The following GSTA4 variants were observed in gnomAD, a reference collection of about 807,000 sequenced individuals.
GSTA4 encodes glutathione S-transferase A4.
A neutral mutation model predicts 24.4 loss-of-function variants in GSTA4; 15 were observed. The ratio of observed to expected loss-of-function variants is 0.61; its 90% CI spans 0.41 to 0.95. The LOEUF (loss-of-function observed/expected upper bound fraction) is 0.95. GSTA4 is among the 40% of genes least tolerant of loss of function. The pLI, the probability that GSTA4 is intolerant of heterozygous loss-of-function variation, is 0.00. For missense variants in GSTA4, 244 were observed against 262.1 expected, an observed-to-expected ratio of 0.93 and a Z score of 0.48; for synonymous variants, 92 against 94.2, an observed-to-expected ratio of 0.98 and a Z score of 0.13.
At chr6:52,993,345 CAT>C (rs1220851464) in intron 2 of GSTA4, among the ~76,000 whole-genome samples, 1 of 152,048 alleles carries the variant, frequency 6.6e-6, no homozygotes, top group Admixed American at 6.5e-5. Context: ...CCGAAAGAAA[CAT>C]AACCATTTTA....
intron 2 of GSTA4, among the ~76,000 whole-genome samples, chr6:52,992,022 T>TG (rs1317023577): frequency 2.0e-5 from 3 of 152,082 alleles, no homozygotes; most frequent in Non-Finnish European, 4.4e-5. Flanking sequence ...CCCAAAGTAC[T>TG]GGGATTACAG....
At chr6:52,982,825 T>C (rs184794976) in intron 5 of GSTA4, 120 bp from the exon 6 acceptor site, 17 of 761,954 alleles carry the variant, frequency 2.2e-5, no homozygotes, top group Admixed American at 5.0e-5. Flanking sequence ...CATGCTTTCA[T>C]AAATAACATC....
At chr6:52,989,225 G>T (rs1043505519) in intron 2 of GSTA4, among the ~76,000 whole-genome samples, 3 of 152,154 alleles carry the variant, frequency 2.0e-5, no homozygotes, top group Non-Finnish European at 4.4e-5. Flanking sequence ...CCATTGTTTA[G>T]CATATTATCA....
intron 5 of GSTA4, among the ~76,000 whole-genome samples, chr6:52,984,104 G>A (rs1365909634): frequency 6.6e-6 from 1 of 152,176 alleles, no homozygotes; most frequent in Non-Finnish European, 1.5e-5. Flanking sequence ...TGAGACAGCT[G>A]TTCGACAACT....
chr6:52,984,638 C>T (rs779019099), intron 4 of GSTA4, 33 bp from the exon 5 acceptor site: 3 of 1,601,042 alleles, frequency 1.9e-6, no homozygotes, highest in Non-Finnish European at 2.6e-6. Context: ...CTCAGTTTCT[C>T]CTCTCTTTGA....
intron 6 of GSTA4, among the ~76,000 whole-genome samples, chr6:52,980,596 G>A (rs113151263): frequency 0.046 from 7,058 of 152,190 alleles, 226 homozygotes; most frequent in Non-Finnish European, 0.067. Context: ...GAGCCACTGC[G>A]CCCGGCCTAG....
rs764488635 is a variant in GSTA4 at position 52,994,206 on chromosome 6, C to G, written c.38G>C (p.Arg13Thr). Residue 13 changes from arginine to threonine, a missense_variant, in exon 2 of 7, where the codon AGA (arginine) becomes ACA (threonine). Transcript: ENST00000370963. ...ARPKLHYPNG[R>T]GRMESVRWVL... is the part of the protein sequence containing the mutation. ...CCATCTCACGGACTCCATCCGGCCT[C>G]TTCCGTTGGGATAGTGGAGCTTGGG... The G allele has an allele frequency of 6.2e-7, 1 of 1,613,828 alleles. No individual in the cohort carries two copies. The highest frequency in any genetic ancestry group is 8.5e-7 in the Non-Finnish European group (1 of 1,179,702).
At chr6:52,984,646 T>C (rs1469822897) in intron 4 of GSTA4, 41 bp from the exon 5 acceptor site, 3 of 1,572,414 alleles carry the variant, frequency 1.9e-6, no homozygotes, top group Non-Finnish European at 2.6e-6. Flanking sequence ...CTCCTCTCTT[T>C]GAAGCCATCA....
chr6:52,992,559 T>G (rs1221563354), intron 2 of GSTA4, among the ~76,000 whole-genome samples: 2 of 152,192 alleles, frequency 1.3e-5, no homozygotes, highest in Non-Finnish European at 2.9e-5. Context: ...ACGTAACCCC[T>G]AATATGATGA....
chr6:52,989,121 C>T (rs1477137306), intron 2 of GSTA4, among the ~76,000 whole-genome samples: 1 of 152,182 alleles, frequency 6.6e-6, no homozygotes, highest in Non-Finnish European at 1.5e-5. Context: ...CATTGCCACA[C>T]TCCCAAACAG....
intron 2 of GSTA4, among the ~76,000 whole-genome samples, chr6:52,988,940 T>TG (rs1763613970): frequency 6.6e-6 from 1 of 152,126 alleles, no homozygotes; most frequent in Non-Finnish European, 1.5e-5. Context: ...TGAGACCTAC[T>TG]GGGGGGCTGT....
chr6:52,995,252 G>A lies in GSTA4; in HGVS notation c.-22C>T, dbSNP rs1396547959. 2 of 152,356 alleles carry A rather than the reference G, an allele frequency of 1.3e-5. No individual in the cohort carries two copies. The highest frequency in any genetic ancestry group is 4.8e-5 in the African/African-American group (2 of 41,460). 9.4% of individuals were successfully genotyped at this position (152,356 alleles called of 1,614,324 possible). Reference sequence around the variant, plus strand: ...CGACCGCAGGAGGGAGACAGACCTGGAGTCCACTCGGAGGCCTGGAGCCGC... The same window carrying A: ...CGACCGCAGGAGGGAGACAGACCTGAAGTCCACTCGGAGGCCTGGAGCCGC... On this transcript the variant is annotated 5_prime_UTR_variant, in exon 1 of 7. Transcript: ENST00000370963.
intron 2 of GSTA4, chr6:52,993,901 T>G (rs2127388886): frequency 1.9e-6 from 1 of 531,254 alleles, no homozygotes; most frequent in East Asian, 3.8e-5. Flanking sequence ...ATTTCCTTTC[T>G]TCTTATTAAT....
At chr6:52,993,875 G>A (rs1358197367) in intron 2 of GSTA4, 1 of 468,778 alleles carries the variant, frequency 2.1e-6, no homozygotes, top group African/African-American at 2.0e-5. Context: ...CAGAGTAACT[G>A]ACAATTTTCA....
At chr6:52,979,785 G>T (rs423475) in intron 6 of GSTA4, among the ~76,000 whole-genome samples, 85,727 of 151,988 alleles carry the variant, frequency 0.56, 24,508 homozygotes, top group East Asian at 0.74. Flanking sequence ...CCCTAATAAT[G>T]ATGCCAATTA....
intron 6 of GSTA4, among the ~76,000 whole-genome samples, chr6:52,982,166 G>T (rs561195879): frequency 1.3e-5 from 2 of 152,252 alleles, no homozygotes; most frequent in African/African-American, 2.4e-5. Context: ...AGTCCCCTGA[G>T]GCAAACTCCC....
At chr6:52,984,379 C>T in intron 5 of GSTA4, 85 bp downstream of exon 5, 1 of 1,307,746 alleles carries the variant, frequency 7.6e-7, no homozygotes. Context: ...TTTTAAAATC[C>T]TTGGACAGAA....
At chr6:52,992,564 T>G (rs558741627) in intron 2 of GSTA4, among the ~76,000 whole-genome samples, 2 of 152,196 alleles carry the variant, frequency 1.3e-5, no homozygotes, top group African/African-American at 4.8e-5. Context: ...ACCCCTAATA[T>G]GATGACGTGA....
intron 6 of GSTA4, among the ~76,000 whole-genome samples, chr6:52,982,267 C>T (rs1763465017): frequency 6.6e-6 from 1 of 151,898 alleles, no homozygotes; most frequent in Admixed American, 6.6e-5. Flanking sequence ...GCCTATAGTC[C>T]CTGCTACTCA....
Sources: allele counts gnomAD v4.1 joint callset (sites outside exome capture counted in the v4.1 genomes callset), GRCh38; gene constraint gnomAD v4.1.1; transcripts MANE v1.5; gene names NCBI Gene and HGNC (gene_info 2026-07-23, HGNC 2026-07-21).